Variants in OR51B5 observed in about 807,000 individuals in gnomAD.
OR51B5 encodes the protein olfactory receptor family 51 subfamily B member 5, also known as olfactory receptor 51B5.
For synonymous variants in OR51B5, 186 were observed against 144.8 expected, an observed-to-expected ratio of 1.28 and a Z score of -2.04; for missense variants, 456 against 374.6, an observed-to-expected ratio of 1.22 and a Z score of -1.79.
chr11:5,374,339 T>C (rs7114675), intron 1 of OR51B5, among the ~76,000 whole-genome samples: 41,034 of 151,516 alleles, frequency 0.27, 5,834 homozygotes, highest in African/African-American at 0.33. Flanking sequence ...GGTACATCAC[T>C]ATCATCAAAG....
chr11:5,370,857 TC>T (rs2133706621), intron 1 of OR51B5, among the ~76,000 whole-genome samples: 1 of 152,302 alleles, frequency 6.6e-6, no homozygotes, highest in South Asian at 2.1e-4. Context: ...AAATGCGGGT[TC>T]TGAGAGGAGG....
chr11:5,348,566 C>T lies in OR51B5; in HGVS notation n.85-1656G>A, dbSNP rs76212242. On this transcript the variant is annotated intron_variant and non_coding_transcript_variant, in intron 1 of 4. Transcript: ENST00000415970. ...TTGGACGGAGCTTGGGTTATGTGTGCCTCTGGATCAGGGGTACAGATTCAC... is the reference window on the plus strand; with the variant it reads ...TTGGACGGAGCTTGGGTTATGTGTGTCTCTGGATCAGGGGTACAGATTCAC... Among the ~76,000 whole-genome samples the T allele has an allele frequency of 3.1e-3, 479 of 152,202 alleles. 2 individuals carry two copies. The highest frequency in any genetic ancestry group is 7.6e-3 in the African/African-American group (316 of 41,532).
chr11:5,437,815 C>G (rs1365244339), intron 1 of OR51B5, among the ~76,000 whole-genome samples: 1 of 152,118 alleles, frequency 6.6e-6, no homozygotes, highest in Non-Finnish European at 1.5e-5. Flanking sequence ...ATTAAATAAT[C>G]CATTTTACTT....
At chr11:5,501,364 C>G (rs767153291) in intron 1 of OR51B5, among the ~76,000 whole-genome samples, 1 of 147,952 alleles carries the variant, frequency 6.8e-6, no homozygotes, top group Non-Finnish European at 1.5e-5. Context: ...ATGTGGCTTA[C>G]GATAGTCTTA....
intron 1 of OR51B5, among the ~76,000 whole-genome samples, chr11:5,440,023 T>C (rs1850652769): frequency 6.6e-6 from 1 of 152,182 alleles, no homozygotes. Flanking sequence ...CCTTCTTTCT[T>C]CCTGCCATCC....
intron 1 of OR51B5, among the ~76,000 whole-genome samples, chr11:5,431,786 TCTC>T (rs1185911564): frequency 6.6e-6 from 1 of 152,216 alleles, no homozygotes; most frequent in Admixed American, 6.5e-5. Context: ...CATCCTCTTC[TCTC>T]CTCCTGTTCT....
downstream of OR51B5, chr11:5,340,838 C>G (rs759735219): frequency 6.6e-6 from 1 of 151,810 alleles, no homozygotes; most frequent in Admixed American, 6.6e-5. Context: ...TAATATCTAC[C>G]CCACAATATT....
intron 1 of OR51B5, among the ~76,000 whole-genome samples, chr11:5,485,203 C>T (rs913083961): frequency 6.6e-6 from 1 of 152,134 alleles, no homozygotes; most frequent in Non-Finnish European, 1.5e-5. Context: ...TAAAAGAATA[C>T]ACAGTACACA....
chr11:5,342,784 C>T (rs776135615), exon 1 of OR51B5: 3 of 1,613,384 alleles, frequency 1.9e-6, no homozygotes, highest in Non-Finnish European at 2.5e-6. Context: ...CATAAAAAAC[C>T]AGGACACAGC....
At chr11:5,409,610 A>C (rs1850112694) in intron 1 of OR51B5, among the ~76,000 whole-genome samples, 1 of 152,058 alleles carries the variant, frequency 6.6e-6, no homozygotes, top group African/African-American at 2.4e-5. Context: ...AGCCAAATGA[A>C]AGCACAAAAA....
chr11:5,353,389 A>G (rs940945027), intron 1 of OR51B5, among the ~76,000 whole-genome samples: 1 of 152,192 alleles, frequency 6.6e-6, no homozygotes. Context: ...GGTCTGGTTT[A>G]GGGGAACATC....
chr11:5,414,985 C>A (rs1303753887), intron 1 of OR51B5, among the ~76,000 whole-genome samples: 8 of 152,084 alleles, frequency 5.3e-5, no homozygotes, highest in Non-Finnish European at 1.0e-4. Context: ...TTTTTCAGCA[C>A]CACACCACAC....
chr11:5,416,679 T>A (rs1850249492), intron 1 of OR51B5, among the ~76,000 whole-genome samples: 1 of 144,116 alleles, frequency 6.9e-6, no homozygotes, highest in Non-Finnish European at 1.5e-5. Context: ...CATTCACAAT[T>A]GCTTCAAAGA....
chr11:5,453,775 C>A (rs367656709), intron 1 of OR51B5: 6 of 1,614,178 alleles, frequency 3.7e-6, no homozygotes, highest in Non-Finnish European at 5.1e-6. Flanking sequence ...ACTTTTGATG[C>A]CTGTCTAATT....
At chr11:5,442,803 A>G (rs1003725112) in intron 1 of OR51B5, among the ~76,000 whole-genome samples, 2 of 152,114 alleles carry the variant, frequency 1.3e-5, no homozygotes, top group African/African-American at 4.8e-5. Flanking sequence ...AAATTTCTCT[A>G]TGGTCACCTA....
chr11:5,432,242 G>T (rs1204733536), intron 1 of OR51B5, among the ~76,000 whole-genome samples: 3 of 151,906 alleles, frequency 2.0e-5, no homozygotes, highest in Non-Finnish European at 4.4e-5. Context: ...AACTTTTTTA[G>T]CTCCCACATT....
chr11:5,357,583 G>A (rs576392292), intron 1 of OR51B5, among the ~76,000 whole-genome samples: 1 of 151,692 alleles, frequency 6.6e-6, no homozygotes, highest in Non-Finnish European at 1.5e-5. Flanking sequence ...ACAGATCAAC[G>A]AGACAGAAAG....
chr11:5,359,394 T>C lies in OR51B5; in HGVS notation n.85-12484A>G, dbSNP rs559874561. Among the ~76,000 whole-genome samples the C allele has an allele frequency of 4.1e-4, 57 of 140,006 alleles. 1 individual carries two copies. Among genetic ancestry groups the C allele is most frequent in the Admixed American group, 1.1e-3 (15 of 13,864 alleles). The allele number at this position is 140,006 out of a possible 152,430, so 91.8% of individuals were successfully genotyped here. ...ATCATGAGGGAACTCCCATTCACAA[T>C]TGCTTCAAAGAGAATAAAATACCTA... is the stretch of plus-strand genomic sequence containing the variant. On this transcript the variant is annotated intron_variant and non_coding_transcript_variant, in intron 1 of 4. Coordinates refer to the OR51B5 transcript ENST00000415970.
chr11:5,457,424 G>T (rs1850976515), intron 1 of OR51B5, among the ~76,000 whole-genome samples: 1 of 152,204 alleles, frequency 6.6e-6, no homozygotes, highest in Non-Finnish European at 1.5e-5. Context: ...TGTGAATACT[G>T]CTGCAATGAA....
Sources: gnomAD v4.1 joint callset for allele counts (sites outside exome capture counted in the v4.1 genomes callset) on GRCh38, gnomAD v4.1.1 for gene constraint, MANE v1.5 for transcripts, NCBI Gene and HGNC (gene_info 2026-07-23, HGNC 2026-07-21) for gene names.